Variants in RANBP17 observed in about 807,000 individuals in gnomAD.
The protein encoded by RANBP17 is ran-binding protein 17.
RANBP17 carries 158 observed loss-of-function variants against 141.2 expected under a neutral mutation model. That is an observed-to-expected ratio of 1.12 (90% CI 0.98 to 1.28). RANBP17 has a LOEUF of 1.28. RANBP17 is among the 50% of genes most tolerant of loss of function. The pLI, the probability that RANBP17 is intolerant of heterozygous loss-of-function variation, is 0.00. For missense variants in RANBP17, 1,438 were observed against 1,290.7 expected, an observed-to-expected ratio of 1.11 and a Z score of -1.75; for synonymous variants, 430 against 450.0, an observed-to-expected ratio of 0.96 and a Z score of 0.56.
intron 5 of RANBP17, among the ~76,000 whole-genome samples, chr5:170,900,868 G>A (rs1437438325): frequency 6.6e-6 from 1 of 152,150 alleles, no homozygotes; most frequent in African/African-American, 2.4e-5. Context: ...ATTGCACTGT[G>A]GTCTGAGAGA....
intron 12 of RANBP17, among the ~76,000 whole-genome samples, chr5:170,925,938 A>C (rs573642979): frequency 3.3e-5 from 5 of 152,154 alleles, no homozygotes; most frequent in Admixed American, 3.3e-4. Flanking sequence ...TTATTTGTGC[A>C]TTCTCTTGTT....
intron 13 of RANBP17, among the ~76,000 whole-genome samples, chr5:170,954,546 C>A (rs200300224): frequency 8.5e-5 from 5 of 59,146 alleles, no homozygotes; most frequent in Non-Finnish European, 2.0e-4. Context: ...ACACACACAC[C>A]CCAACCCCAC....
At chr5:171,026,376 A>T in intron 14 of RANBP17, among the ~76,000 whole-genome samples, 1 of 152,130 alleles carries the variant, frequency 6.6e-6, no homozygotes, top group Admixed American at 6.6e-5. Context: ...TTCAAACCTA[A>T]TTGATCTTTC....
chr5:170,930,360 G>T (rs1255384503), intron 12 of RANBP17, among the ~76,000 whole-genome samples: 1 of 150,678 alleles, frequency 6.6e-6, no homozygotes, highest in Admixed American at 6.6e-5. Flanking sequence ...CACGAGTTTT[G>T]TAGTTTTATT....
intron 3 of RANBP17, among the ~76,000 whole-genome samples, chr5:170,888,679 T>C (rs2127376481): frequency 6.6e-6 from 1 of 152,316 alleles, no homozygotes; most frequent in African/African-American, 2.4e-5. Context: ...TTTCTTAATC[T>C]ATATGCATTC....
chr5:170,920,145 A>G (rs1025185163), intron 11 of RANBP17, among the ~76,000 whole-genome samples: 3 of 152,140 alleles, frequency 2.0e-5, no homozygotes, highest in Non-Finnish European at 4.4e-5. Flanking sequence ...TTGTACAAAC[A>G]TAAGTTTTTG....
chr5:170,892,293 C>T, intron 3 of RANBP17, 94 bp from the exon 4 acceptor site: 2 of 520,304 alleles, frequency 3.8e-6, no homozygotes, highest in Non-Finnish European at 7.1e-6. Flanking sequence ...TGCTCTCCCT[C>T]CCCTTCCCCC....
intron 14 of RANBP17, among the ~76,000 whole-genome samples, chr5:171,101,278 C>T (rs1042376183): frequency 2.0e-5 from 3 of 152,116 alleles, no homozygotes; most frequent in Admixed American, 6.6e-5. Context: ...AATCTGGGTG[C>T]TCCTGTATTG....
chr5:171,231,315 A>G (rs190220625), intron 22 of RANBP17, among the ~76,000 whole-genome samples: 1 of 152,210 alleles, frequency 6.6e-6, no homozygotes, highest in East Asian at 1.9e-4. Flanking sequence ...TTCCTATCTC[A>G]ACATGATTCC....
intron 14 of RANBP17, among the ~76,000 whole-genome samples, chr5:171,169,090 TC>T (rs1440404652): frequency 6.6e-6 from 1 of 152,142 alleles, no homozygotes; most frequent in Non-Finnish European, 1.5e-5. Flanking sequence ...GCAGCTTTCC[TC>T]CCCTCTATGA....
At chr5:171,236,033 T>C (rs926852216) in intron 22 of RANBP17, among the ~76,000 whole-genome samples, 1 of 152,202 alleles carries the variant, frequency 6.6e-6, no homozygotes, top group African/African-American at 2.4e-5. Flanking sequence ...GAAAGGGAAA[T>C]ATTATATTCC....
chr5:171,232,811 ATCT>A (rs146353521), intron 22 of RANBP17, among the ~76,000 whole-genome samples: 1,669 of 152,274 alleles, frequency 0.011, 28 homozygotes, highest in African/African-American at 0.037. Context: ...AATCTACCTC[ATCT>A]TTTTAAATAG....
At chr5:171,014,517 C>T (rs1024910268) in intron 14 of RANBP17, among the ~76,000 whole-genome samples, 107 of 151,886 alleles carry the variant, frequency 7.0e-4, no homozygotes, top group African/African-American at 2.3e-3. Context: ...TATCACTGTC[C>T]CCTTTAAAAT....
chr5:171,077,223 C>G (rs1365732235), intron 14 of RANBP17, among the ~76,000 whole-genome samples: 1 of 151,956 alleles, frequency 6.6e-6, no homozygotes, highest in East Asian at 1.9e-4. Context: ...GCCTGTAGTC[C>G]CAGCTACTCG....
intron 17 of RANBP17, 42 bp downstream of exon 17, chr5:171,183,272 T>G (rs1385956336): frequency 6.4e-7 from 1 of 1,567,026 alleles, no homozygotes; most frequent in African/African-American, 1.4e-5. Flanking sequence ...ATTTTACGAA[T>G]AGTTGAGGTA....
At chr5:171,072,967 C>T (rs1331386401) in intron 14 of RANBP17, among the ~76,000 whole-genome samples, 3 of 151,488 alleles carry the variant, frequency 2.0e-5, no homozygotes, top group African/African-American at 7.3e-5. Flanking sequence ...AACTAAAAGG[C>T]AGTGTATAGT....
At chr5:171,147,401 G>GT (rs33983934) in intron 14 of RANBP17, among the ~76,000 whole-genome samples, 71,982 of 103,812 alleles carry the variant, frequency 0.69, 25,681 homozygotes, top group South Asian at 0.83. Context: ...TTTTTTGTGT[G>GT]TTTTTTTTTT....
intron 20 of RANBP17, among the ~76,000 whole-genome samples, chr5:171,212,731 C>T (rs540529460): frequency 6.6e-5 from 10 of 152,220 alleles, no homozygotes; most frequent in African/African-American, 9.6e-5. Context: ...TGGAAAACAT[C>T]GGAAAGAGAC....
chr5:171,275,761 C>A (rs1767446319), intron 25 of RANBP17, among the ~76,000 whole-genome samples: 1 of 152,070 alleles, frequency 6.6e-6, no homozygotes, highest in Non-Finnish European at 1.5e-5. Flanking sequence ...AAGTCAAGTT[C>A]GAGGGAGCAG....
Sources: allele counts gnomAD v4.1 joint callset (sites outside exome capture counted in the v4.1 genomes callset), GRCh38; gene constraint gnomAD v4.1.1; transcripts MANE v1.5; gene names NCBI Gene and HGNC (gene_info 2026-07-23, HGNC 2026-07-21).